PRPF39: variants seen among roughly 807,000 people sequenced by gnomAD.
PRPF39 encodes the protein pre-mRNA-processing factor 39.
In PRPF39, 27 loss-of-function variants were observed where a neutral mutation model predicts 82.1. The ratio of observed to expected loss-of-function variants is 0.33; its 90% CI spans 0.24 to 0.45. The LOEUF (loss-of-function observed/expected upper bound fraction) is 0.45, where lower values mean the gene tolerates loss of function less well. Among genes scored for constraint, PRPF39 ranks in the 20% least tolerant of loss-of-function variants. The pLI, the probability that PRPF39 is intolerant of heterozygous loss-of-function variation, is 1.00. For missense variants in PRPF39, 581 were observed against 796.9 expected, an observed-to-expected ratio of 0.73 and a Z score of 3.26; for synonymous variants, 261 against 256.4, an observed-to-expected ratio of 1.02 and a Z score of -0.17.
Position 45,115,289 on chromosome 14 carries a change from TC to T in PRPF39, c.*378del. The T allele has an allele frequency of 7.0e-6, 1 of 143,532 alleles. No individual in the cohort carries two copies. Among genetic ancestry groups the T allele is most frequent in the Non-Finnish European group, 1.5e-5 (1 of 66,570 alleles). 8.9% of individuals were successfully genotyped at this position (143,532 alleles called of 1,614,324 possible). A position where few individuals can be genotyped will look rare whatever the true frequency, so the allele number is the denominator to read the frequency against. ...AACACATAAGGGCTGGTTATTTACC[TC>T]CTTTTTTTTTTTTTTTTTTAAAGAA... On this transcript the variant is annotated 3_prime_UTR_variant, in exon 14 of 14. Coordinates refer to ENST00000355765, the MANE Select transcript of PRPF39 (RefSeq NM_017922.4).
intron 7 of PRPF39, among the ~76,000 whole-genome samples, chr14:45,109,088 C>T (rs1399226806): frequency 1.3e-5 from 2 of 152,150 alleles, no homozygotes; most frequent in African/African-American, 4.8e-5. Flanking sequence ...CGACCCTCTA[C>T]CCCCAGTGCT....
rs768116772 is a variant in PRPF39 at position 45,096,232 on chromosome 14, C to T, written c.450+4C>T. 31 of 1,586,130 alleles carry T rather than the reference C, an allele frequency of 2.0e-5. No individual in the cohort carries two copies. The highest frequency in any genetic ancestry group is 1.5e-4 in the African/African-American group (11 of 73,890). Reference sequence around the variant, plus strand: ...CAACATTAAACCATCAGATGAGGTGCGTACATCACTGAATAAACTTATCTC... The same window carrying T: ...CAACATTAAACCATCAGATGAGGTGTGTACATCACTGAATAAACTTATCTC... On this transcript the variant is annotated splice_donor_region_variant and intron_variant, in intron 3 of 13. Coordinates refer to ENST00000355765, the MANE Select transcript of PRPF39 (RefSeq NM_017922.4).
intron 5 of PRPF39, among the ~76,000 whole-genome samples, chr14:45,106,886 AT>A (rs1884549723): frequency 1.3e-5 from 2 of 152,192 alleles, no homozygotes; most frequent in African/African-American, 4.8e-5. Flanking sequence ...AATTTTATAT[AT>A]GAGGTAATTG....
chr14:45,114,599 T>C lies in PRPF39; in HGVS notation c.1938T>C (p.Tyr646=), dbSNP rs771738766. 38 of 1,609,932 alleles carry C rather than the reference T, an allele frequency of 2.4e-5. No homozygotes were observed. The highest frequency in any genetic ancestry group is 6.8e-5 in the Admixed American group (4 of 59,214). ...DLQANQAVYN[Y]SAWYQYNYQN... ...AGGCAAACCAAGCTGTATATAATTA[T>C]AGTGCGTGGTATCAAGTGAGTCTGC... Residue 646 remains tyrosine, a synonymous_variant, in exon 13 of 14, where the codon TAT becomes TAC. Transcript: ENST00000355765.
chr14:45,089,679 T>G lies in PRPF39; in HGVS notation c.-20+5430T>G, dbSNP rs1025687637. 4.6e-5 allele frequency among the ~76,000 whole-genome samples: 7 copies of G among 152,358 alleles called. No homozygotes were observed. The South Asian group carries it at 1.2e-3, about 27-fold the overall frequency. ...ACTTGGCCTCCCAAAGTGCTGAGAT[T>G]ACAGACAGGAGCCACTATGCCTGGC... is the stretch of plus-strand genomic sequence containing the variant. On this transcript the variant is annotated intron_variant, in intron 1 of 13. Coordinates refer to ENST00000355765, the MANE Select transcript of PRPF39 (RefSeq NM_017922.4).
intron 4 of PRPF39, among the ~76,000 whole-genome samples, 189 bp from the exon 5 acceptor site, chr14:45,102,338 CTT>C (rs1266275443): frequency 3.3e-5 from 5 of 152,146 alleles, no homozygotes; most frequent in South Asian, 2.1e-4. Flanking sequence ...TATCTATTCT[CTT>C]TGTTTTCTCA....
intron 11 of PRPF39, among the ~76,000 whole-genome samples, chr14:45,113,474 C>T (rs1384655682): frequency 1.3e-5 from 2 of 152,184 alleles, no homozygotes; most frequent in Admixed American, 1.3e-4. Context: ...GGAGCGAGGA[C>T]TGAACCTACT....
At position 45,088,921 on chromosome 14, in the gene PRPF39, G is replaced by A. The variant is rs1883929919; in HGVS notation, c.-20+4672G>A. Among the ~76,000 whole-genome samples the A allele has an allele frequency of 2.0e-5, 3 of 152,132 alleles. No individual in the cohort carries two copies. In the South Asian group the frequency reaches 6.2e-4, roughly 31 times the overall value. ...TTTTTTTCTATTCTATTTTCCATTT[G>A]AAGAAAGGTTCAAGAAACTGGTGTG... On this transcript the variant is annotated intron_variant, in intron 1 of 13. Coordinates refer to ENST00000355765, the MANE Select transcript of PRPF39 (RefSeq NM_017922.4).
Position 45,116,104 on chromosome 14 carries a change from A to G in PRPF39, c.*1191A>G. ...GAATTTTCCAGTTGACTCTTCCTTTACAATAGTAACAAGTTCTAACTAGTT... is the reference window on the plus strand; with the variant it reads ...GAATTTTCCAGTTGACTCTTCCTTTGCAATAGTAACAAGTTCTAACTAGTT... On this transcript the variant is annotated 3_prime_UTR_variant, in exon 14 of 14. Coordinates refer to ENST00000355765, the MANE Select transcript of PRPF39 (RefSeq NM_017922.4). 1.1e-6 allele frequency: 1 copy of G among 874,106 alleles called. No individual in the cohort carries two copies. Among genetic ancestry groups the G allele is most frequent in the Non-Finnish European group, 1.9e-6 (1 of 535,492 alleles). 54.1% of individuals were successfully genotyped at this position (874,106 alleles called of 1,614,324 possible).
In PRPF39 at chr14:45,110,359, G is replaced by C; in HGVS notation, c.1303+139G>C. On this transcript the variant is annotated intron_variant, in intron 9 of 13. Coordinates refer to ENST00000355765, the MANE Select transcript of PRPF39 (RefSeq NM_017922.4). The surrounding 1 kb of genome is among the most constrained non-coding windows in gnomAD (Gnocchi z 4.0). ...TAAAGGGCCAGATAGTAAAAGCCAC[G>C]TGTTCTGACTTTCAGGCTTTGTAAG... The C allele has an allele frequency of 7.6e-7, 1 of 1,321,646 alleles. No homozygotes were observed. Among genetic ancestry groups the C allele is most frequent in the Non-Finnish European group, 1.0e-6 (1 of 976,384 alleles). The allele number at this position is 1,321,646 out of a possible 1,614,324, so 81.9% of individuals were successfully genotyped here. A position where few individuals can be genotyped will look rare whatever the true frequency, so the allele number is the denominator to read the frequency against.
chr14:45,095,105 G>A, intron 1 of PRPF39, 116 bp from the exon 2 acceptor site: 1 of 590,834 alleles, frequency 1.7e-6, no homozygotes, highest in Non-Finnish European at 2.9e-6. Flanking sequence ...AGGGGATTAA[G>A]ACTCACATTA....
intron 4 of PRPF39, 90 bp downstream of exon 4, chr14:45,097,095 G>T: frequency 7.1e-7 from 1 of 1,411,688 alleles, no homozygotes; most frequent in South Asian, 1.7e-5. Flanking sequence ...TAAGCTGGAA[G>T]TTTAACTTCT....
At chr14:45,092,026 A>G (rs976084804) in intron 1 of PRPF39, among the ~76,000 whole-genome samples, 2 of 152,216 alleles carry the variant, frequency 1.3e-5, no homozygotes, top group African/African-American at 4.8e-5. Flanking sequence ...ATGGACATGA[A>G]TCGTTTCAGA....
intron 4 of PRPF39, 38 bp downstream of exon 4, chr14:45,097,043 A>G (rs779208324): frequency 2.8e-5 from 42 of 1,490,658 alleles, no homozygotes; most frequent in Admixed American, 8.3e-5. Context: ...TTTTTATGAT[A>G]TAAATAATTA....
At chr14:45,112,281 A>T (rs754827116) in intron 10 of PRPF39, 37 bp from the exon 11 acceptor site, 2 of 1,497,276 alleles carry the variant, frequency 1.3e-6, no homozygotes, top group African/African-American at 1.4e-5. Flanking sequence ...TAATAAAAAT[A>T]TTTTAGAAAT....
intron 3 of PRPF39, 67 bp downstream of exon 3, chr14:45,096,295 ATTTTT>A (rs374922767): frequency 1.7e-3 from 2,178 of 1,279,638 alleles, no homozygotes; most frequent in East Asian, 5.5e-3. Flanking sequence ...CAAAACAAAG[ATTTTT>A]TTTTTTTTTT....
At chr14:45,106,952 G>T (rs183495890) in intron 5 of PRPF39, among the ~76,000 whole-genome samples, 19 of 152,252 alleles carry the variant, frequency 1.2e-4, no homozygotes, top group African/African-American at 4.1e-4. Context: ...TGTGGATGAG[G>T]AGTATTTGGG....
chr14:45,088,212 C>G (rs1027126639), intron 1 of PRPF39: 4 of 156,850 alleles, frequency 2.6e-5, no homozygotes, highest in African/African-American at 9.6e-5. Flanking sequence ...TATGATAACA[C>G]TTTTCAGGAA....
intron 1 of PRPF39, among the ~76,000 whole-genome samples, chr14:45,094,456 G>A (rs976168514): frequency 2.0e-5 from 3 of 152,030 alleles, no homozygotes; most frequent in Non-Finnish European, 2.9e-5. Context: ...CTGGAGTATC[G>A]TAGCAGGGTC....
Sources: gnomAD v4.1 joint callset for allele counts (sites outside exome capture counted in the v4.1 genomes callset) on GRCh38, gnomAD v4.1.1 for gene constraint, Gnocchi (gnomAD v3.1) non-coding constraint, MANE v1.5 for transcripts, NCBI Gene and HGNC (gene_info 2026-07-23, HGNC 2026-07-21) for gene names.